HNMT: variants seen among roughly 807,000 people sequenced by gnomAD.
HNMT encodes histamine N-methyltransferase.
A neutral mutation model predicts 32.1 loss-of-function variants in HNMT; 30 were observed. That is an observed-to-expected ratio of 0.93 (90% CI 0.70 to 1.27). HNMT has a LOEUF of 1.27. HNMT is among the 50% of genes most tolerant of loss of function. The probability of loss-of-function intolerance (pLI) is 0.00; values close to 1 mark genes in which losing one functional copy is unlikely to be tolerated. For synonymous variants in HNMT, 125 were observed against 119.0 expected (o/e 1.05, Z -0.33); for missense variants, 327 against 346.0 (o/e 0.95, Z 0.43).
chr2:137,987,670 G>GT (rs1399826691), intron 2 of HNMT, among the ~76,000 whole-genome samples: 4 of 133,426 alleles, frequency 3.0e-5, no homozygotes, highest in African/African-American at 1.1e-4. Context: ...GTTCTATAGG[G>GT]TATAGTAACC....
intron 5 of HNMT, among the ~76,000 whole-genome samples, chr2:138,009,081 G>A (rs1027944968): frequency 1.3e-5 from 2 of 151,842 alleles, no homozygotes; most frequent in African/African-American, 4.8e-5. Context: ...TTAAAACGTG[G>A]GCAAAGGACA....
At chr2:138,001,731 T>C (rs1322573859) in intron 3 of HNMT, among the ~76,000 whole-genome samples, 1 of 152,098 alleles carries the variant, frequency 6.6e-6, no homozygotes, top group Non-Finnish European at 1.5e-5. Context: ...TAGTTTGTCT[T>C]CTCCTGAATT....
intron 2 of HNMT, among the ~76,000 whole-genome samples, chr2:137,989,577 G>A (rs1680756529): frequency 3.9e-5 from 6 of 152,192 alleles, no homozygotes; most frequent in Admixed American, 3.3e-4. Context: ...AGATTTTTGT[G>A]TGACTGTAAG....
chr2:137,998,478 G>A (rs1681060917), intron 2 of HNMT, among the ~76,000 whole-genome samples: 1 of 152,178 alleles, frequency 6.6e-6, no homozygotes, highest in Non-Finnish European at 1.5e-5. Flanking sequence ...CCCTACTTAT[G>A]AGGTCAGAAA....
intron 1 of HNMT, among the ~76,000 whole-genome samples, chr2:137,969,914 G>A (rs987119113): frequency 1.3e-5 from 2 of 152,102 alleles, no homozygotes; most frequent in East Asian, 3.9e-4. Flanking sequence ...CAAACAAATG[G>A]CATTTTGTAC....
At chr2:137,969,365 G>T (rs1024152145) in intron 1 of HNMT, among the ~76,000 whole-genome samples, 10 of 152,104 alleles carry the variant, frequency 6.6e-5, no homozygotes, top group Admixed American at 6.6e-4. Flanking sequence ...CATTGACCCT[G>T]ATTTCTCTCC....
In HNMT at chr2:138,014,716, T is replaced by C. The variant is rs1251301338; in HGVS notation, c.*586T>C. 1 of 152,192 alleles carries C rather than the reference T, an allele frequency of 6.6e-6. No individual in the cohort carries two copies. Among genetic ancestry groups the C allele is most frequent in the African/African-American group, 2.4e-5 (1 of 41,448 alleles). 9.4% of individuals were successfully genotyped at this position (152,192 alleles called of 1,614,324 possible). A position where few individuals can be genotyped will look rare whatever the true frequency, so the allele number is the denominator to read the frequency against. Reference sequence around the variant, plus strand: ...GTAATTTTATCTGTGAATTAATAGCTTTTTGTTTGTCTTTTTGATATACTG... The same window carrying C: ...GTAATTTTATCTGTGAATTAATAGCCTTTTGTTTGTCTTTTTGATATACTG... On this transcript the variant is annotated 3_prime_UTR_variant, in exon 6 of 6. Coordinates refer to ENST00000280097, the MANE Select transcript of HNMT (RefSeq NM_006895.3).
Position 138,014,313 on chromosome 2 carries a change from C to T in HNMT, c.*183C>T. 2.0e-6 allele frequency: 1 copy of T among 506,012 alleles called. No homozygotes were observed. The highest frequency in any genetic ancestry group is 1.9e-5 in the African/African-American group (1 of 52,608). The allele number at this position is 506,012 out of a possible 1,614,324, so 31.3% of individuals were successfully genotyped here. On this transcript the variant is annotated 3_prime_UTR_variant, in exon 6 of 6. Coordinates refer to ENST00000280097, the MANE Select transcript of HNMT (RefSeq NM_006895.3). Reference sequence around the variant, plus strand: ...TGGAATCATATGGGATACTGCTGGTCTTATCCTGTCCCTCCTCCAGGTAGA... The same window carrying T: ...TGGAATCATATGGGATACTGCTGGTTTTATCCTGTCCCTCCTCCAGGTAGA...
chr2:137,970,359 A>G, intron 2 of HNMT, 142 bp downstream of exon 2: 1 of 504,930 alleles, frequency 2.0e-6, no homozygotes, highest in South Asian at 3.7e-5. Context: ...TATTACTTCA[A>G]CTAACATTAA....
intron 2 of HNMT, among the ~76,000 whole-genome samples, chr2:137,970,932 A>C (rs1297059991): frequency 2.9e-5 from 2 of 70,008 alleles, no homozygotes; most frequent in African/African-American, 4.2e-5. Flanking sequence ...AAAAAAAAAA[A>C]AAAAGAAAGA....
chr2:137,982,676 A>C (rs898629023), intron 2 of HNMT, among the ~76,000 whole-genome samples: 5 of 152,220 alleles, frequency 3.3e-5, no homozygotes, highest in African/African-American at 1.2e-4. Context: ...GTTTTCATTA[A>C]ACTAAAATTT....
At position 138,014,439 on chromosome 2, in the gene HNMT, T is replaced by C. The variant is rs1437307946; in HGVS notation, c.*309T>C. On this transcript the variant is annotated 3_prime_UTR_variant, in exon 6 of 6. Coordinates refer to ENST00000280097, the MANE Select transcript of HNMT (RefSeq NM_006895.3). ...AAATTCATTCCATTTGCTGATTGTCTGAAATTTTCTAGAATACTAATAAAA... is the reference window on the plus strand; with the variant it reads ...AAATTCATTCCATTTGCTGATTGTCCGAAATTTTCTAGAATACTAATAAAA... The C allele has an allele frequency of 2.5e-5, 6 of 237,658 alleles. No individual in the cohort carries two copies. The highest frequency in any genetic ancestry group is 2.5e-4 in the East Asian group (3 of 12,072). 14.7% of individuals were successfully genotyped at this position (237,658 alleles called of 1,614,324 possible).
At chr2:137,996,957 C>T (rs755165059) in intron 2 of HNMT, among the ~76,000 whole-genome samples, 1 of 152,192 alleles carries the variant, frequency 6.6e-6, no homozygotes, top group Admixed American at 6.5e-5. Context: ...GCTGGGAAAA[C>T]TGGCTAGCCA....
intron 2 of HNMT, among the ~76,000 whole-genome samples, chr2:137,970,891 G>A (rs1316828172): frequency 7.0e-6 from 1 of 142,008 alleles, no homozygotes; most frequent in African/African-American, 2.7e-5. Context: ...CTGCACTCCA[G>A]CCTGGGTGAC....
chr2:137,995,578 A>G (rs1054670096), intron 2 of HNMT, among the ~76,000 whole-genome samples: 6 of 152,204 alleles, frequency 3.9e-5, no homozygotes, highest in Admixed American at 3.9e-4. Context: ...GCTGAGTCCT[A>G]CCAGAAATAC....
chr2:137,976,343 A>AT (rs1456268797), intron 2 of HNMT, among the ~76,000 whole-genome samples: 193 of 152,060 alleles, frequency 1.3e-3, no homozygotes, highest in South Asian at 3.5e-3. Flanking sequence ...ATAAAAAGTC[A>AT]TTCTAGTGGT....
intron 2 of HNMT, among the ~76,000 whole-genome samples, chr2:137,973,216 T>G (rs1680186498): frequency 2.0e-5 from 3 of 152,230 alleles, no homozygotes; most frequent in African/African-American, 7.2e-5. Flanking sequence ...TAGGTGTCTG[T>G]TGCTTGAAAG....
intron 2 of HNMT, among the ~76,000 whole-genome samples, chr2:137,998,259 T>C (rs1480426842): frequency 6.6e-6 from 1 of 152,198 alleles, no homozygotes; most frequent in East Asian, 1.9e-4. Flanking sequence ...ATTAAAATTA[T>C]TATAATTTTT....
chr2:137,991,188 G>A (rs567305573), intron 2 of HNMT, among the ~76,000 whole-genome samples: 19 of 152,288 alleles, frequency 1.2e-4, no homozygotes, highest in Middle Eastern at 6.8e-3. Flanking sequence ...GCCTGGATAT[G>A]CCACCTGCCA....
Sources: gnomAD v4.1 joint callset for allele counts (sites outside exome capture counted in the v4.1 genomes callset) on GRCh38, gnomAD v4.1.1 for gene constraint, MANE v1.5 for transcripts, NCBI Gene and HGNC (gene_info 2026-07-23, HGNC 2026-07-21) for gene names.